The following NR2E3 variants were observed in gnomAD, a reference collection of about 807,000 sequenced individuals.
NR2E3 encodes the protein photoreceptor-specific nuclear receptor.
A neutral mutation model predicts 37.6 loss-of-function variants in NR2E3; 38 were observed. The ratio of observed to expected loss-of-function variants is 1.01; its 90% CI spans 0.78 to 1.33. NR2E3 has a LOEUF of 1.33. Among genes scored for constraint, NR2E3 ranks in the 40% most tolerant of loss-of-function variants. The pLI is 0.00. For missense variants in NR2E3, 562 were observed against 558.7 expected (o/e 1.01, Z -0.06); for synonymous variants, 235 against 225.1 (o/e 1.04, Z -0.39).
intron 7 of NR2E3, among the ~76,000 whole-genome samples, chr15:71,815,446 G>A (rs1208671956): frequency 6.6e-6 from 1 of 152,218 alleles, no homozygotes; most frequent in Non-Finnish European, 1.5e-5. Flanking sequence ...ACTTGACTTA[G>A]CATCTGAAGA....
At chr15:71,812,647 A>G (rs1312323077) in intron 5 of NR2E3, 136 bp downstream of exon 5, 2 of 767,918 alleles carry the variant, frequency 2.6e-6, no homozygotes, top group East Asian at 2.7e-5. Context: ...CTGGGGACAC[A>G]CATACCTCTG....
intron 4 of NR2E3, 36 bp downstream of exon 4, chr15:71,812,212 T>A (rs1354658576): frequency 6.2e-7 from 1 of 1,604,008 alleles, no homozygotes; most frequent in South Asian, 1.1e-5. Context: ...CAGCAGGGCT[T>A]GGCTTCCCGG....
At position 71,813,513 on chromosome 15, in the gene NR2E3, GC is replaced by G. The variant is rs1449781976; in HGVS notation, c.874del (p.Arg292GlyfsTer32). The stretch of plus-strand genomic sequence containing the variant: ...GCCTCTGCTGCCGGTGGTGCCCAGG[GC>G]CGGCTCACGCTGGCCAGCATGGAGA... ...PEASAAGGAQ[G>X]RLTLASMETR... On this transcript the variant is annotated frameshift_variant, in exon 6 of 8. Transcript: ENST00000617575. LOFTEE classifies it high-confidence loss of function. This position sits in a 1 kb window ranked among gnomAD's most constrained non-coding sequence, Gnocchi z 4.7. 5 of 1,613,036 alleles carry G rather than the reference GC, an allele frequency of 3.1e-6. No homozygotes were observed. The highest frequency in any genetic ancestry group is 4.2e-6 in the Non-Finnish European group (5 of 1,179,612).
At chr15:71,817,271 T>C (rs944111898) in intron 7 of NR2E3, among the ~76,000 whole-genome samples, 2 of 151,926 alleles carry the variant, frequency 1.3e-5, no homozygotes, top group African/African-American at 4.8e-5. Flanking sequence ...GCTAATTTTT[T>C]GTATATTTAG....
rs1162519683 is a variant in NR2E3, at chr15:71,813,655, A to G, written c.994+20A>G. The G allele has an allele frequency of 1.2e-6, 2 of 1,612,672 alleles. No homozygotes were observed. The highest frequency in any genetic ancestry group is 1.6e-4 in the Middle Eastern group (1 of 6,084). ...AGCCAGGTAACTGAGTCTCTGCCCA[A>G]ACCTTGAGTGGGAATTCTGGTGACT... On this transcript the variant is annotated intron_variant, in intron 6 of 7. Coordinates refer to ENST00000617575, the MANE Select transcript of NR2E3 (RefSeq NM_014249.4). This position sits in a 1 kb window ranked among gnomAD's most constrained non-coding sequence, Gnocchi z 4.7.
At chr15:71,816,592 T>G (rs1322816337) in intron 7 of NR2E3, among the ~76,000 whole-genome samples, 1 of 152,152 alleles carries the variant, frequency 6.6e-6, no homozygotes, top group Admixed American at 6.6e-5. Context: ...CAATAAATAT[T>G]TTTTTCAATG....
chr15:71,815,070 GA>G (rs2054216757), intron 7 of NR2E3: 1 of 251,372 alleles, frequency 4.0e-6, no homozygotes, highest in South Asian at 1.5e-4. Context: ...AGGTTTGGGG[GA>G]GAGTTGCTGC....
chr15:71,817,452 T>G, intron 7 of NR2E3, 100 bp from the exon 8 acceptor site: 1 of 1,449,640 alleles, frequency 6.9e-7, no homozygotes, highest in Non-Finnish European at 9.3e-7. Context: ...ACCTCATCTC[T>G]CCTCTCCTTC....
At position 71,811,635 on chromosome 15, in the gene NR2E3, G is replaced by A. The variant is rs200353494; in HGVS notation, c.245+26G>A. On this transcript the variant is annotated intron_variant, in intron 2 of 7. Coordinates refer to ENST00000617575, the MANE Select transcript of NR2E3 (RefSeq NM_014249.4). This position sits in a 1 kb window ranked among gnomAD's most constrained non-coding sequence, Gnocchi z 5.6. ...GTGAGTGCGGTGGGCCCTGCTGGGCGTCTGCCCCTGAGGGGTTCTGGAGGG... is the reference window on the plus strand; with the variant it reads ...GTGAGTGCGGTGGGCCCTGCTGGGCATCTGCCCCTGAGGGGTTCTGGAGGG... 2.7e-5 allele frequency: 43 copies of A among 1,597,196 alleles called. No homozygotes were observed. Among genetic ancestry groups the A allele is most frequent in the African/African-American group, 1.7e-4 (13 of 74,794 alleles).
rs1352799732 is a variant in NR2E3 at position 71,814,123 on chromosome 15, C to T, written c.1100+6C>T. 1 of 1,608,318 alleles carries T rather than the reference C, an allele frequency of 6.2e-7. No individual in the cohort carries two copies. Among genetic ancestry groups the T allele is most frequent in the Non-Finnish European group, 8.5e-7 (1 of 1,179,446 alleles). The stretch of plus-strand genomic sequence containing the variant: ...CACCCCAGCCAGCCCGTGAGGTGAC[C>T]TGAGCATGCGCCCACCCACTCATCT... On this transcript the variant is annotated splice_donor_region_variant and intron_variant, in intron 7 of 7. Coordinates refer to ENST00000617575, the MANE Select transcript of NR2E3 (RefSeq NM_014249.4).
rs764843486 is a variant in NR2E3, at chr15:71,813,366, C to T, written c.748-23C>T. ...CAGAGAAGCTGTGTGTCTGCCATAA[C>T]AGGCACCCCTGTCTGAGCACAGGTG... On this transcript the variant is annotated intron_variant, in intron 5 of 7. Transcript: ENST00000617575. The surrounding 1 kb of genome is among the most constrained non-coding windows in gnomAD (Gnocchi z 4.7). 1.2e-6 allele frequency: 2 copies of T among 1,606,992 alleles called. No homozygotes were observed. Among genetic ancestry groups the T allele is most frequent in the South Asian group, 2.2e-5 (2 of 89,502 alleles).
rs769974850 is a variant in NR2E3 at position 71,810,861 on chromosome 15, G to C, written c.118G>C (p.Gly40Arg). The C allele has an allele frequency of 6.4e-7, 1 of 1,553,200 alleles. No homozygotes were observed. Among genetic ancestry groups the C allele is most frequent in the Non-Finnish European group, 8.7e-7 (1 of 1,148,222 alleles). The change falls in exon 1 of 8, where the codon GGC (glycine) becomes CGC (arginine). Residue 40 changes from glycine (G) to arginine (R), a missense_variant and splice_region_variant. Coordinates refer to ENST00000617575, the MANE Select transcript of NR2E3 (RefSeq NM_014249.4). Reference sequence around the variant, plus strand: ...ATGGGGCCTGGGGGAGGATCCCACAGGTATGGCTTCTCCTGGAGGTAGGGT... The same window carrying C: ...ATGGGGCCTGGGGGAGGATCCCACACGTATGGCTTCTCCTGGAGGTAGGGT... ...GRWGLGEDPT[G>R]VSPSLQCRVC... is the part of the protein sequence containing the mutation.
At chr15:71,817,520 G>C (rs762078879) in intron 7 of NR2E3, 32 bp from the exon 8 acceptor site, 3 of 1,566,150 alleles carry the variant, frequency 1.9e-6, no homozygotes, top group Non-Finnish European at 2.6e-6. Flanking sequence ...GAAGCTGGTC[G>C]TAAAACTGAT....
Position 71,813,980 on chromosome 15 carries a change from G to A in NR2E3, c.995-32G>A. On this transcript the variant is annotated intron_variant, in intron 6 of 7. Transcript: ENST00000617575. This position sits in a 1 kb window ranked among gnomAD's most constrained non-coding sequence, Gnocchi z 4.7. ...CCAGCCTTATAACAGCCGTAAACCT[G>A]TGCTAAGCTCACTGGTGCTGCTTCT... 6.3e-7 allele frequency: 1 copy of A among 1,596,708 alleles called. No homozygotes were observed.
rs1202464878 is a variant in NR2E3, at chr15:71,812,390, ACTC to A, written c.630_632del (p.Ser213del). ...GACCCTGAGTTCCCCTCCTCTCCAT[ACTC>A]CTCTTCCTCCCCCTGCGGCCTGGAC... On this transcript the variant is annotated inframe_deletion, in exon 5 of 8. Coordinates refer to ENST00000617575, the MANE Select transcript of NR2E3 (RefSeq NM_014249.4). 1.2e-6 allele frequency: 2 copies of A among 1,611,446 alleles called. No homozygotes were observed. Among genetic ancestry groups the A allele is most frequent in the South Asian group, 2.2e-5 (2 of 90,974 alleles).
intron 7 of NR2E3, 152 bp downstream of exon 7, chr15:71,814,269 G>T: frequency 5.6e-6 from 8 of 1,426,806 alleles, no homozygotes; most frequent in Non-Finnish European, 7.3e-6. Flanking sequence ...CAGGCACAGT[G>T]CCAGGCCCCG....
At position 71,811,612 on chromosome 15, in the gene NR2E3, G is replaced by A; in HGVS notation, c.245+3G>A. 6.2e-7 allele frequency: 1 copy of A among 1,603,364 alleles called. No homozygotes were observed. Among genetic ancestry groups the A allele is most frequent in the Non-Finnish European group, 8.5e-7 (1 of 1,175,534 alleles). On this transcript the variant is annotated splice_donor_region_variant and intron_variant, in intron 2 of 7. Transcript: ENST00000617575. The surrounding 1 kb of genome is among the most constrained non-coding windows in gnomAD (Gnocchi z 5.6). ...GTACGGCGGAGGCTCATCTACAGGT[G>A]AGTGCGGTGGGCCCTGCTGGGCGTC...
At chr15:71,812,842 G>A (rs2054196647) in intron 5 of NR2E3, among the ~76,000 whole-genome samples, 1 of 152,186 alleles carries the variant, frequency 6.6e-6, no homozygotes, top group Non-Finnish European at 1.5e-5. Context: ...GGTAACAAGT[G>A]ACCTGCACAC....
At position 71,811,051 on chromosome 15, in the gene NR2E3, G is replaced by T. The variant is rs894132921; in HGVS notation, c.118+190G>T. Among the ~76,000 whole-genome samples, 27 of 152,294 alleles carry T rather than the reference G, an allele frequency of 1.8e-4. 1 individual carries two copies. Among genetic ancestry groups the T allele is most frequent in the South Asian group, 1.2e-3 (6 of 4,824 alleles). ...CACGGTGGGGCGGGGATGGGGGTTG[G>T]GGGCGGGCAGGCTGCAGAGCCAGGA... On this transcript the variant is annotated intron_variant, in intron 1 of 7. Transcript: ENST00000617575. This position sits in a 1 kb window ranked among gnomAD's most constrained non-coding sequence, Gnocchi z 5.6.
Sources: allele counts gnomAD v4.1 joint callset (sites outside exome capture counted in the v4.1 genomes callset), GRCh38; gene constraint gnomAD v4.1.1; non-coding constraint Gnocchi (gnomAD v3.1); transcripts MANE v1.5; gene names NCBI Gene and HGNC (gene_info 2026-07-23, HGNC 2026-07-21).